DIAPH2: variants seen among roughly 807,000 people sequenced by gnomAD.
DIAPH2 encodes diaphanous related formin 2.
DIAPH2 carries 35 observed loss-of-function variants against 92.7 expected under a neutral mutation model. That is an observed-to-expected ratio of 0.38 (90% CI 0.29 to 0.50). The LOEUF is 0.50. DIAPH2 is among the 20% of genes least tolerant of loss of function. The pLI is 0.94. For synonymous variants in DIAPH2, 301 were observed against 280.4 expected (o/e 1.07, Z -0.73); for missense variants, 701 against 819.5 (o/e 0.86, Z 1.77).
intron 4 of DIAPH2, among the ~76,000 whole-genome samples, chrX:96,758,486 A>C (rs1244341135): frequency 8.9e-6 from 1 of 111,998 alleles, no homozygotes; most frequent in Non-Finnish European, 1.9e-5. Context: ...AAAGGATACA[A>C]AGCTCTGAGG....
chrX:97,013,369 C>A (rs1244887909), intron 17 of DIAPH2, among the ~76,000 whole-genome samples: 1 of 112,075 alleles, frequency 8.9e-6, no homozygotes, highest in Non-Finnish European at 1.9e-5. Flanking sequence ...TGTCCACCCC[C>A]TTTTCTCCAT....
intron 22 of DIAPH2, among the ~76,000 whole-genome samples, chrX:97,142,807 T>C (rs188713264): frequency 8.9e-5 from 10 of 111,970 alleles, no homozygotes; most frequent in African/African-American, 3.2e-4. Flanking sequence ...AATTTCATTC[T>C]GTAACTCTGA....
intron 5 of DIAPH2, among the ~76,000 whole-genome samples, chrX:96,883,410 T>C (rs2065233486): frequency 9.2e-6 from 1 of 108,499 alleles, no homozygotes. Context: ...GACGGAGTTT[T>C]GTTCTTGTCA....
At chrX:97,141,517 C>T in intron 21 of DIAPH2, 148 bp from the exon 22 acceptor site, 1 of 486,804 alleles carries the variant, frequency 2.1e-6, no homozygotes, top group Non-Finnish European at 3.1e-6. Context: ...CTTTTAAAAT[C>T]TAGAGCACCG....
chrX:96,750,965 G>A (rs1367281999), intron 3 of DIAPH2, among the ~76,000 whole-genome samples: 1 of 112,387 alleles, frequency 8.9e-6, no homozygotes, highest in Non-Finnish European at 1.9e-5. Flanking sequence ...GAAAATTCAT[G>A]AGAAGCTTCT....
At chrX:96,781,673 A>G (rs1161009671) in intron 4 of DIAPH2, among the ~76,000 whole-genome samples, 3 of 110,386 alleles carry the variant, frequency 2.7e-5, no homozygotes, top group Non-Finnish European at 5.7e-5. Flanking sequence ...CTATTTTTCT[A>G]CAAACATTAT....
At chrX:96,898,648 T>C (rs964079880) in intron 5 of DIAPH2, among the ~76,000 whole-genome samples, 1 of 108,034 alleles carries the variant, frequency 9.3e-6, no homozygotes, top group Non-Finnish European at 1.9e-5. Flanking sequence ...GACGAGTAGG[T>C]TGCGAAAATT....
intron 17 of DIAPH2, among the ~76,000 whole-genome samples, chrX:97,017,655 A>T (rs191881907): frequency 2.6e-4 from 29 of 112,394 alleles, no homozygotes; most frequent in African/African-American, 9.0e-4. Flanking sequence ...TCCACCTGTG[A>T]TCTTATGGCG....
intron 4 of DIAPH2, among the ~76,000 whole-genome samples, chrX:96,803,917 T>C (rs1602520744): frequency 9.0e-6 from 1 of 111,379 alleles, no homozygotes. Context: ...CACGCGCCTG[T>C]AATCCCAGCT....
At chrX:96,942,242 A>G in intron 13 of DIAPH2, 106 bp downstream of exon 13, 1 of 500,702 alleles carries the variant, frequency 2.0e-6, no homozygotes, top group Non-Finnish European at 3.5e-6. Context: ...TTCTTACTGA[A>G]CTTCTATTCA....
chrX:97,443,938 C>T (rs906969380), intron 26 of DIAPH2, among the ~76,000 whole-genome samples: 3 of 111,897 alleles, frequency 2.7e-5, no homozygotes, highest in South Asian at 3.7e-4. Context: ...CATATGTTCT[C>T]GTCAGTCTTT....
intron 26 of DIAPH2, among the ~76,000 whole-genome samples, chrX:97,545,534 AT>A (rs66907232): frequency 0.12 from 8,902 of 76,879 alleles, 395 homozygotes; most frequent in East Asian, 0.13. Context: ...AAAAAAAAAA[AT>A]ATATATATAT....
chrX:96,873,765 A>G lies in DIAPH2; in HGVS notation c.448-7814A>G, dbSNP rs189559670. On this transcript the variant is annotated intron_variant, in intron 4 of 26. Transcript: ENST00000324765. ...TACAAATAAAACTAGGGAAATTTGA[A>G]TAAGATAGATGGGTTTTATCAATGT... Among the ~76,000 whole-genome samples, 121 of 110,847 alleles carry G rather than the reference A, an allele frequency of 1.1e-3. 3 individuals carry two copies. Among genetic ancestry groups the G allele is most frequent in the Middle Eastern group, 4.7e-3 (1 of 213 alleles).
At chrX:97,136,235 C>A (rs991838458) in intron 21 of DIAPH2, among the ~76,000 whole-genome samples, 4 of 111,833 alleles carry the variant, frequency 3.6e-5, no homozygotes, top group Non-Finnish European at 7.5e-5. Context: ...GGTAGGCTCT[C>A]AACACTTCTT....
At chrX:97,019,829 A>G (rs777668449) in intron 17 of DIAPH2, among the ~76,000 whole-genome samples, 5 of 111,846 alleles carry the variant, frequency 4.5e-5, no homozygotes, top group South Asian at 3.7e-4. Context: ...TTCATTGGCA[A>G]TATAAAAAGA....
chrX:96,868,469 C>T (rs1602579697), intron 4 of DIAPH2, among the ~76,000 whole-genome samples: 1 of 111,705 alleles, frequency 9.0e-6, no homozygotes, highest in Admixed American at 9.5e-5. Context: ...AACAAATCCC[C>T]GAACATAGCA....
chrX:97,185,962 C>T (rs767874713), intron 22 of DIAPH2, among the ~76,000 whole-genome samples: 1 of 110,880 alleles, frequency 9.0e-6, no homozygotes, highest in Non-Finnish European at 1.9e-5. Context: ...GCTGTGAATG[C>T]ATGTTGACTC....
chrX:97,552,452 A>G (rs377583047), intron 26 of DIAPH2, among the ~76,000 whole-genome samples: 1 of 111,856 alleles, frequency 8.9e-6, no homozygotes, highest in East Asian at 2.8e-4. Flanking sequence ...ATTTGAGAAT[A>G]CCTACTCTGA....
chrX:97,409,666 C>G (rs1397003351), intron 25 of DIAPH2, among the ~76,000 whole-genome samples: 1 of 111,953 alleles, frequency 8.9e-6, no homozygotes, highest in Non-Finnish European at 1.9e-5. Flanking sequence ...ACACTCCCAC[C>G]GAAATACTGA....
Sources: allele counts gnomAD v4.1 joint callset (sites outside exome capture counted in the v4.1 genomes callset), GRCh38; gene constraint gnomAD v4.1.1; transcripts MANE v1.5; gene names NCBI Gene and HGNC (gene_info 2026-07-23, HGNC 2026-07-21).